The following PCMTD1 variants were observed in gnomAD, a reference collection of about 807,000 sequenced individuals.
PCMTD1 encodes the protein protein-L-isoaspartate O-methyltransferase domain-containing protein 1.
Under a neutral mutation model 37.6 loss-of-function variants are expected in PCMTD1, and 12 were observed. The observed-to-expected ratio is 0.32, with a 90% CI of 0.20 to 0.52. The LOEUF (loss-of-function observed/expected upper bound fraction) is 0.52, where lower values mean the gene tolerates loss of function less well. Ranked by LOEUF, PCMTD1 falls within the 20% of genes least tolerant of loss-of-function variation. PCMTD1 has a pLI of 0.97. For missense variants in PCMTD1, 235 were observed against 421.3 expected, an observed-to-expected ratio of 0.56 and a Z score of 3.87; for synonymous variants, 117 against 135.8, an observed-to-expected ratio of 0.86 and a Z score of 0.96.
chr8:51,897,830 G>A (rs949406909), intron 1 of PCMTD1, among the ~76,000 whole-genome samples: 2 of 152,110 alleles, frequency 1.3e-5, no homozygotes, highest in Non-Finnish European at 2.9e-5. Context: ...AAATAATGAG[G>A]TGTGTAATAA....
intron 2 of PCMTD1, among the ~76,000 whole-genome samples, chr8:51,858,868 C>T (rs2038430257): frequency 6.6e-6 from 1 of 152,114 alleles, no homozygotes; most frequent in Non-Finnish European, 1.5e-5. Flanking sequence ...CATTGTAGAT[C>T]ATTTACACAA....
intron 2 of PCMTD1, among the ~76,000 whole-genome samples, chr8:51,850,406 T>C (rs1197760075): frequency 6.6e-6 from 1 of 152,156 alleles, no homozygotes; most frequent in Admixed American, 6.5e-5. Context: ...TTTTTAAAAG[T>C]AGATTAAATT....
In PCMTD1 at chr8:51,817,998, C is replaced by A. The variant is rs1262084821; in HGVS notation, c.*2353G>T. Reference sequence around the variant, plus strand: ...GCTATAAAATTCCAATACTATATTCCCCATCATTTTCACTTACTTTTACTT... The same window carrying A: ...GCTATAAAATTCCAATACTATATTCACCATCATTTTCACTTACTTTTACTT... On this transcript the variant is annotated 3_prime_UTR_variant, in exon 6 of 6. Transcript: ENST00000522514. 2.2e-6 allele frequency: 1 copy of A among 453,240 alleles called. No homozygotes were observed. The highest frequency in any genetic ancestry group is 4.4e-6 in the Non-Finnish European group (1 of 225,146). 28.1% of individuals were successfully genotyped at this position (453,240 alleles called of 1,614,324 possible).
Position 51,820,427 on chromosome 8 carries a change from A to G in PCMTD1, c.998T>C (p.Leu333Ser), listed in dbSNP as rs754166812. The G allele has an allele frequency of 3.1e-6, 5 of 1,612,092 alleles. No homozygotes were observed. The highest frequency in any genetic ancestry group is 4.2e-6 in the Non-Finnish European group (5 of 1,179,418). ...CAGCTTCATGATTTTTTCTCTCAGTAAATTTTGAGGTGGCTCCTCTGGCTT... is the reference window on the plus strand; with the variant it reads ...CAGCTTCATGATTTTTTCTCTCAGTGAATTTTGAGGTGGCTCCTCTGGCTT... ...AMKPEEPPQN[L>S]LREKIMKLPL... Residue 333 changes from leucine (L) to serine (S), a missense_variant, in exon 6 of 6, where the codon TTA becomes TCA. Transcript: ENST00000522514.
chr8:51,865,167 G>A (rs971270792), intron 1 of PCMTD1, among the ~76,000 whole-genome samples: 2 of 152,062 alleles, frequency 1.3e-5, no homozygotes, highest in Non-Finnish European at 2.9e-5. Context: ...TAACAAGCAA[G>A]AAGACTGAAT....
chr8:51,867,011 G>A (rs916231983), intron 1 of PCMTD1, among the ~76,000 whole-genome samples: 2 of 151,852 alleles, frequency 1.3e-5, no homozygotes, highest in Non-Finnish European at 2.9e-5. Flanking sequence ...CAACTGAATA[G>A]CAAGAAAACA....
intron 3 of PCMTD1, 54 bp downstream of exon 3, chr8:51,845,607 T>C (rs1174710496): frequency 4.1e-6 from 5 of 1,231,446 alleles, no homozygotes; most frequent in East Asian, 4.7e-5. Flanking sequence ...AATAGACATG[T>C]TGCATGTATC....
At chr8:51,879,953 C>T (rs1235060047) in intron 1 of PCMTD1, among the ~76,000 whole-genome samples, 1 of 151,648 alleles carries the variant, frequency 6.6e-6, no homozygotes, top group African/African-American at 2.4e-5. Context: ...AATGCCAAGG[C>T]TGGAGGATTG....
intron 5 of PCMTD1, among the ~76,000 whole-genome samples, chr8:51,823,267 C>T (rs1227405407): frequency 3.3e-5 from 5 of 152,142 alleles, no homozygotes; most frequent in Non-Finnish European, 7.4e-5. Flanking sequence ...ATCTTGAGAC[C>T]ACTCTGGGCA....
At chr8:51,827,057 T>G (rs1231613750) in intron 5 of PCMTD1, 1 of 976,916 alleles carries the variant, frequency 1.0e-6, no homozygotes, top group Non-Finnish European at 1.2e-6. Context: ...TTCCTGCAAT[T>G]AAGGAATAAT....
rs866260698 is a variant in PCMTD1, at chr8:51,826,971, C to T, written c.706+4473G>A. The T allele has an allele frequency of 3.2e-6, 3 of 926,280 alleles. No homozygotes were observed. In the African/African-American group the frequency reaches 5.3e-5, roughly 16 times the overall value. 57.4% of individuals were successfully genotyped at this position (926,280 alleles called of 1,614,324 possible). A position where few individuals can be genotyped will look rare whatever the true frequency, so the allele number is the denominator to read the frequency against. ...TTTAATATGAGCAACTTGATTACTA[C>T]AAGATACATTTGGCAAATAATTTAT... On this transcript the variant is annotated intron_variant, in intron 5 of 5. Coordinates refer to ENST00000522514, the MANE Select transcript of PCMTD1 (RefSeq NM_052937.4).
At chr8:51,880,540 A>G (rs1195524436) in intron 1 of PCMTD1, among the ~76,000 whole-genome samples, 4 of 152,084 alleles carry the variant, frequency 2.6e-5, no homozygotes, top group African/African-American at 4.8e-5. Context: ...CTACTCCCCA[A>G]CTCATACCAT....
chr8:51,830,112 C>T (rs10097328), intron 5 of PCMTD1, among the ~76,000 whole-genome samples: 21,041 of 152,004 alleles, frequency 0.14, 2,635 homozygotes, highest in African/African-American at 0.32. Flanking sequence ...GGGACCTGAC[C>T]CTAGTTTGCC....
intron 1 of PCMTD1, among the ~76,000 whole-genome samples, chr8:51,881,154 T>C (rs888061003): frequency 3.9e-5 from 6 of 152,246 alleles, no homozygotes; most frequent in African/African-American, 1.4e-4. Flanking sequence ...TCACTCATCT[T>C]GCAAACTTCT....
chr8:51,851,266 CCT>C (rs1230710609), intron 2 of PCMTD1, among the ~76,000 whole-genome samples: 1 of 152,080 alleles, frequency 6.6e-6, no homozygotes, highest in African/African-American at 2.4e-5. Flanking sequence ...AGTTCTAGTC[CCT>C]CAGGCTCCTC....
At chr8:51,846,995 C>T (rs898803531) in intron 2 of PCMTD1, among the ~76,000 whole-genome samples, 14 of 152,166 alleles carry the variant, frequency 9.2e-5, no homozygotes, top group Admixed American at 7.2e-4. Flanking sequence ...ACAGAATTAA[C>T]TTCCTTTGCA....
chr8:51,898,491 T>C (rs1014198711), intron 1 of PCMTD1, among the ~76,000 whole-genome samples: 57 of 151,644 alleles, frequency 3.8e-4, no homozygotes, highest in African/African-American at 1.3e-3. Context: ...CAGAAGTCAC[T>C]GGGCGGATCC....
chr8:51,888,008 G>C (rs2038888820), intron 1 of PCMTD1, among the ~76,000 whole-genome samples: 1 of 152,092 alleles, frequency 6.6e-6, no homozygotes, highest in South Asian at 2.1e-4. Flanking sequence ...CTCCAAAAGT[G>C]CTGGGATTAC....
chr8:51,831,699 C>T (rs577627025), intron 4 of PCMTD1, 132 bp from the exon 5 acceptor site: 2 of 772,242 alleles, frequency 2.6e-6, no homozygotes, highest in East Asian at 6.1e-5. Flanking sequence ...TAAATGTGAC[C>T]AAATTAATTC....
Sources: allele counts gnomAD v4.1 joint callset (sites outside exome capture counted in the v4.1 genomes callset), GRCh38; gene constraint gnomAD v4.1.1; transcripts MANE v1.5; gene names NCBI Gene and HGNC (gene_info 2026-07-23, HGNC 2026-07-21).